The following EPS15L1 variants were observed in gnomAD, a reference collection of about 807,000 sequenced individuals.
EPS15L1 encodes the protein epidermal growth factor receptor substrate 15-like 1.
Under a neutral mutation model 117.1 loss-of-function variants are expected in EPS15L1, and 43 were observed. The ratio of observed to expected loss-of-function variants is 0.37; its 90% CI spans 0.29 to 0.47. The LOEUF is 0.47. Ranked by LOEUF, EPS15L1 falls within the 20% of genes least tolerant of loss-of-function variation. The probability of loss-of-function intolerance (pLI) is 0.99; values close to 1 mark genes in which losing one functional copy is unlikely to be tolerated. For missense variants in EPS15L1, 981 were observed against 1,164.0 expected (o/e 0.84, Z 2.29); for synonymous variants, 459 against 470.5 (o/e 0.98, Z 0.32).
At position 16,377,466 on chromosome 19, in the gene EPS15L1, G is replaced by A. The variant is rs553711303; in HGVS notation, c.2248-212C>T. Among the ~76,000 whole-genome samples the A allele has an allele frequency of 5.8e-4, 88 of 152,308 alleles. 4 individuals are homozygous for A. The South Asian group carries it at 0.018, about 31-fold the overall frequency. The stretch of plus-strand genomic sequence containing the variant: ...AGGGGCCCTCTGGCCTGTGGGTGAT[G>A]AGCTGCCCAACATAGGGTGGCAGAG... On this transcript the variant is annotated intron_variant, in intron 21 of 23. Transcript: ENST00000455140.
At chr19:16,453,947 G>A (rs1325946117) in intron 1 of EPS15L1, among the ~76,000 whole-genome samples, 3 of 151,168 alleles carry the variant, frequency 2.0e-5, no homozygotes, top group East Asian at 1.9e-4. Flanking sequence ...AATGGCACAA[G>A]CTGCGTCAGG....
At chr19:16,408,213 G>A (rs1349795992) in intron 13 of EPS15L1, among the ~76,000 whole-genome samples, 1 of 152,188 alleles carries the variant, frequency 6.6e-6, no homozygotes, top group East Asian at 1.9e-4. Flanking sequence ...CTCGAGGTTA[G>A]GAAGGGGAGC....
chr19:16,440,954 G>A (rs1268413391), intron 3 of EPS15L1, 45 bp from the exon 4 acceptor site: 6 of 1,600,682 alleles, frequency 3.7e-6, no homozygotes, highest in Non-Finnish European at 5.1e-6. Flanking sequence ...GCCGATCACT[G>A]TCCACGTGTT....
intron 1 of EPS15L1, among the ~76,000 whole-genome samples, chr19:16,458,883 G>A (rs140970265): frequency 6.6e-6 from 1 of 152,158 alleles, no homozygotes; most frequent in African/African-American, 2.4e-5. Flanking sequence ...TTTAACTACA[G>A]GGATGCGTCC....
At chr19:16,399,744 G>A (rs1463611608) in intron 16 of EPS15L1, among the ~76,000 whole-genome samples, 4 of 150,488 alleles carry the variant, frequency 2.7e-5, no homozygotes, top group African/African-American at 4.9e-5. Context: ...GCAGTGGCAC[G>A]CAGCTGGCCT....
intron 19 of EPS15L1, among the ~76,000 whole-genome samples, chr19:16,391,769 G>A (rs2092477552): frequency 6.6e-6 from 1 of 152,084 alleles, no homozygotes; most frequent in South Asian, 2.1e-4. Flanking sequence ...GGTCAGAGTT[G>A]GCTGATGCTC....
intron 1 of EPS15L1, among the ~76,000 whole-genome samples, chr19:16,457,485 C>G (rs1304933502): frequency 6.6e-6 from 1 of 152,192 alleles, no homozygotes; most frequent in African/African-American, 2.4e-5. Context: ...GTGCCAGAGA[C>G]AGGCTTGCCA....
chr19:16,471,808 G>T lies in EPS15L1; in HGVS notation c.33+105C>A. ...CGCCGCAAGCCCTTCAGCACGCGCC[G>T]CCCCCGCCGCCGCCTGGCTGAGTCT... On this transcript the variant is annotated intron_variant, in intron 1 of 23. Coordinates refer to ENST00000455140, the MANE Select transcript of EPS15L1 (RefSeq NM_001258374.3). This position sits in a 1 kb window ranked among gnomAD's most constrained non-coding sequence, Gnocchi z 4.8. 8.5e-6 allele frequency: 2 copies of T among 235,508 alleles called. No homozygotes were observed. Among genetic ancestry groups the T allele is most frequent in the Non-Finnish European group, 1.5e-5 (2 of 135,302 alleles). The allele number at this position is 235,508 out of a possible 1,614,324, so 14.6% of individuals were successfully genotyped here.
intron 22 of EPS15L1, among the ~76,000 whole-genome samples, chr19:16,376,458 AC>A (rs546604023): frequency 2.6e-5 from 4 of 152,168 alleles, no homozygotes; most frequent in Admixed American, 6.5e-5. Flanking sequence ...AGGCTAGGAG[AC>A]ATTGGCAGCA....
rs2092777600 is a variant in EPS15L1, at chr19:16,418,090, G to A, written c.965C>T (p.Thr322Met). Reference protein sequence around the residue: ...LLAHIWALADTRQTGKLSKDQ... With the variant: ...LLAHIWALADMRQTGKLSKDQ... ...TTTGCTTAACTTCCCCGTTTGCCTC[G>A]TATCGGCCAGGGCCCTGGGAGAAAC... Residue 322 changes from threonine (T) to methionine (M), a missense_variant, in exon 11 of 24, where the codon ACG becomes ATG. Thr to Met is a moderately conservative substitution (Grantham distance 81). Around this residue, in one of 5 missense-constraint regions of EPS15L1, gnomAD observed 819 missense variants for 949.0 expected, o/e 0.86. Transcript: ENST00000455140. 6.8e-6 allele frequency: 11 copies of A among 1,613,626 alleles called. No individual in the cohort carries two copies. The highest frequency in any genetic ancestry group is 4.5e-5 in the East Asian group (2 of 44,884).
chr19:16,378,063 G>A (rs756224892), intron 21 of EPS15L1, among the ~76,000 whole-genome samples: 1 of 152,144 alleles, frequency 6.6e-6, no homozygotes, highest in Non-Finnish European at 1.5e-5. Context: ...AATGGTAGTT[G>A]GATGAATGGA....
intron 23 of EPS15L1, among the ~76,000 whole-genome samples, chr19:16,360,658 G>A (rs557462618): frequency 6.6e-6 from 1 of 152,130 alleles, no homozygotes; most frequent in African/African-American, 2.4e-5. Flanking sequence ...AAGACAGGAG[G>A]ATCGCTTGAG....
At chr19:16,464,107 T>C (rs577808642) in intron 1 of EPS15L1, among the ~76,000 whole-genome samples, 1 of 152,238 alleles carries the variant, frequency 6.6e-6, no homozygotes. Flanking sequence ...AGTGACTTTA[T>C]GTCAGCCTGA....
chr19:16,411,697 A>G (rs538033737), intron 13 of EPS15L1, among the ~76,000 whole-genome samples: 199 of 152,216 alleles, frequency 1.3e-3, no homozygotes, highest in African/African-American at 4.7e-3. Flanking sequence ...ACCACCCCAT[A>G]TTACTTATTC....
At chr19:16,366,687 G>C (rs1002913419) in intron 22 of EPS15L1, among the ~76,000 whole-genome samples, 1 of 152,108 alleles carries the variant, frequency 6.6e-6, no homozygotes. Context: ...TTGTGCTTTG[G>C]TAAGAGAGGA....
In EPS15L1 at chr19:16,381,728, C is replaced by A. The variant is rs770261998; in HGVS notation, c.2247+3401G>T. Among the ~76,000 whole-genome samples, 22 of 152,208 alleles carry A rather than the reference C, an allele frequency of 1.4e-4. No individual in the cohort carries two copies. The highest frequency in any genetic ancestry group is 2.5e-4 in the Non-Finnish European group (17 of 68,038). On this transcript the variant is annotated intron_variant, in intron 21 of 23. Transcript: ENST00000455140. The surrounding 1 kb of genome is among the most constrained non-coding windows in gnomAD (Gnocchi z 4.2). ...GCCTGCAGCTTAGCTTTAAAATGGG[C>A]CGTTTAGGGTCGGCTGTTTGGGAAA...
chr19:16,437,164 A>T (rs2145048888), intron 5 of EPS15L1, 165 bp from the exon 6 acceptor site: 1 of 605,288 alleles, frequency 1.7e-6, no homozygotes, highest in African/African-American at 1.8e-5. Context: ...ACTCCTACGT[A>T]TTGACCCAAA....
intron 16 of EPS15L1, among the ~76,000 whole-genome samples, chr19:16,398,609 G>A (rs554610770): frequency 2.0e-5 from 3 of 152,224 alleles, no homozygotes; most frequent in African/African-American, 7.2e-5. Flanking sequence ...ATAAAGCAGC[G>A]AGTTAAGAAT....
intron 22 of EPS15L1, among the ~76,000 whole-genome samples, chr19:16,375,895 C>T (rs2092288925): frequency 6.6e-6 from 1 of 152,176 alleles, no homozygotes; most frequent in Admixed American, 6.5e-5. Context: ...ATAACTTCCC[C>T]TATGTTCACC....
Sources: gnomAD v4.1 joint callset for allele counts (sites outside exome capture counted in the v4.1 genomes callset) on GRCh38, gnomAD v4.1.1 for gene constraint, gnomAD v4.1.1 regional missense constraint, Gnocchi (gnomAD v3.1) non-coding constraint, MANE v1.5 for transcripts, NCBI Gene and HGNC (gene_info 2026-07-23, HGNC 2026-07-21) for gene names.